CDH4: variants seen among roughly 807,000 people sequenced by gnomAD.
CDH4 encodes cadherin-4.
In CDH4, 33 loss-of-function variants were observed where a neutral mutation model predicts 86.0. The observed-to-expected ratio is 0.38, with a 90% CI of 0.29 to 0.51. The LOEUF (loss-of-function observed/expected upper bound fraction) is 0.51, where lower values mean the gene tolerates loss of function less well. Ranked by LOEUF, CDH4 falls within the 20% of genes least tolerant of loss-of-function variation. The probability of loss-of-function intolerance (pLI) is 0.86; values close to 1 mark genes in which losing one functional copy is unlikely to be tolerated. For synonymous variants in CDH4, 555 were observed against 549.4 expected (o/e 1.01, Z -0.14); for missense variants, 1,114 against 1,307.4 (o/e 0.85, Z 2.28).
In CDH4 at chr20:61,481,998, G is replaced by A. The variant is rs76393491; in HGVS notation, c.169+227061G>A. On this transcript the variant is annotated intron_variant, in intron 2 of 15. Coordinates refer to ENST00000614565, the MANE Select transcript of CDH4 (RefSeq NM_001794.5). ...TTTCTCTGTCCCTCCCACTCTCAAG[G>A]TTCAGCTAGCTGATCCCGTGCAAAA... Among the ~76,000 whole-genome samples the A allele has an allele frequency of 4.6e-5, 7 of 152,142 alleles. No homozygotes were observed. In the East Asian group the frequency reaches 5.8e-4, roughly 13 times the overall value.
At chr20:61,873,160 C>G (rs1014257115) in intron 6 of CDH4, among the ~76,000 whole-genome samples, 12 of 152,216 alleles carry the variant, frequency 7.9e-5, no homozygotes, top group African/African-American at 2.9e-4. Flanking sequence ...CAGGGCGCCC[C>G]CAGATGTGCT....
chr20:61,476,901 C>A (rs1350408339), intron 2 of CDH4, among the ~76,000 whole-genome samples: 3 of 152,160 alleles, frequency 2.0e-5, no homozygotes, highest in Non-Finnish European at 4.4e-5. Flanking sequence ...AGGATCACAC[C>A]TGGTACTGTT....
At chr20:61,422,440 AAAAAAAAAAAAAAAAAAAAAAAAAAAAC>A (rs2085183945) in intron 2 of CDH4, among the ~76,000 whole-genome samples, 1 of 60,164 alleles carries the variant, frequency 1.7e-5, no homozygotes, top group Non-Finnish European at 3.1e-5. Flanking sequence ...AAAAAAAAAA[AAAAAAAAAAAAAAAAAAAAAAAAAAAAC>A]CAAATCTCCC....
In CDH4 at chr20:61,846,366, G is replaced by A. The variant is rs576937897; in HGVS notation, c.732+1543G>A. 2.6e-5 allele frequency among the ~76,000 whole-genome samples: 4 copies of A among 152,370 alleles called. No homozygotes were observed. In the South Asian group the frequency reaches 8.3e-4, roughly 32 times the overall value. On this transcript the variant is annotated intron_variant, in intron 5 of 15. Transcript: ENST00000614565. ...CCCCTGGCTATGCAGCAAGAGACAG[G>A]CCCTCAGCATGGCTGCTGGCTCCCA...
chr20:61,929,867 G>A (rs1397799147), intron 13 of CDH4, 25 bp downstream of exon 13: 3 of 1,592,100 alleles, frequency 1.9e-6, no homozygotes, highest in Non-Finnish European at 2.6e-6. Flanking sequence ...GCACCAGGGT[G>A]GGCAGGGGCA....
intron 4 of CDH4, among the ~76,000 whole-genome samples, chr20:61,826,164 T>C (rs1981301971): frequency 6.6e-6 from 1 of 152,192 alleles, no homozygotes; most frequent in South Asian, 2.1e-4. Context: ...CCAGATGGTG[T>C]CATCCCTTCT....
At chr20:61,710,169 T>C (rs2087874638) in intron 2 of CDH4, among the ~76,000 whole-genome samples, 1 of 152,000 alleles carries the variant, frequency 6.6e-6, no homozygotes, top group Non-Finnish European at 1.5e-5. Context: ...TAGCCTCAAC[T>C]CGGTGTTTTT....
At chr20:61,561,747 C>A (rs1172205592) in intron 2 of CDH4, among the ~76,000 whole-genome samples, 2 of 152,240 alleles carry the variant, frequency 1.3e-5, no homozygotes, top group Non-Finnish European at 2.9e-5. Flanking sequence ...ACAAAATGAG[C>A]ATGTTTACTA....
rs1291540158 is a variant in CDH4 at position 61,516,464 on chromosome 20, G to A, written c.170-227099G>A. 6.6e-6 allele frequency among the ~76,000 whole-genome samples: 1 copy of A among 152,128 alleles called. No individual in the cohort carries two copies. Among genetic ancestry groups the A allele is most frequent in the Non-Finnish European group, 1.5e-5 (1 of 68,034 alleles). ...CTGCGGCTTCCATTTTACAGACCGG[G>A]AGGCAGAGCCCCAGAGGTCAAGCCA... On this transcript the variant is annotated intron_variant, in intron 2 of 15. Transcript: ENST00000614565. This position sits in a 1 kb window ranked among gnomAD's most constrained non-coding sequence, Gnocchi z 4.0.
intron 2 of CDH4, among the ~76,000 whole-genome samples, chr20:61,272,130 C>T (rs956485646): frequency 6.6e-6 from 1 of 152,222 alleles, no homozygotes; most frequent in Non-Finnish European, 1.5e-5. Flanking sequence ...TCCTCCTCCT[C>T]TTGGCAGCCC....
intron 3 of CDH4, among the ~76,000 whole-genome samples, chr20:61,757,579 G>A (rs562342940): frequency 2.0e-4 from 31 of 152,340 alleles, no homozygotes; most frequent in Admixed American, 5.2e-4. Flanking sequence ...AATCTGATGG[G>A]TTATTGGTCA....
At chr20:61,524,258 T>G (rs893147489) in intron 2 of CDH4, among the ~76,000 whole-genome samples, 1 of 152,148 alleles carries the variant, frequency 6.6e-6, no homozygotes, top group South Asian at 2.1e-4. Flanking sequence ...ACAGTCACTC[T>G]CGAGTCATTT....
chr20:61,427,649 TG>T (rs1446923234), intron 2 of CDH4, among the ~76,000 whole-genome samples: 1 of 152,100 alleles, frequency 6.6e-6, no homozygotes. Flanking sequence ...TTGGAACTTC[TG>T]GGGTGTGCAG....
At chr20:61,651,159 C>T (rs1336808895) in intron 2 of CDH4, among the ~76,000 whole-genome samples, 1 of 151,414 alleles carries the variant, frequency 6.6e-6, no homozygotes, top group African/African-American at 2.4e-5. Context: ...GTGAGTTAGC[C>T]TCGTGCTTGG....
intron 2 of CDH4, among the ~76,000 whole-genome samples, chr20:61,532,658 G>A (rs529429242): frequency 1.3e-5 from 2 of 152,290 alleles, no homozygotes; most frequent in East Asian, 1.9e-4. Flanking sequence ...AAAGCACCAC[G>A]TTTCTAATCT....
At chr20:61,533,608 G>A (rs1343645524) in intron 2 of CDH4, among the ~76,000 whole-genome samples, 3 of 152,218 alleles carry the variant, frequency 2.0e-5, no homozygotes, top group African/African-American at 7.2e-5. Flanking sequence ...GGCCCCTCTG[G>A]CTGCCTCACT....
intron 2 of CDH4, among the ~76,000 whole-genome samples, chr20:61,312,299 G>GTGTGCA (rs1233583191): frequency 6.6e-6 from 1 of 150,708 alleles, no homozygotes; most frequent in Non-Finnish European, 1.5e-5. Flanking sequence ...ATATGTCAGT[G>GTGTGCA]TGTGTATGGT....
rs538215150 is a variant in CDH4, at chr20:61,269,899, G to A, written c.169+14962G>A. Among the ~76,000 whole-genome samples the A allele has an allele frequency of 1.0e-3, 153 of 152,302 alleles. No homozygotes were observed. The highest frequency in any genetic ancestry group is 1.9e-3 in the East Asian group (10 of 5,168). On this transcript the variant is annotated intron_variant, in intron 2 of 15. Transcript: ENST00000614565. This position sits in a 1 kb window ranked among gnomAD's most constrained non-coding sequence, Gnocchi z 5.3. The stretch of plus-strand genomic sequence containing the variant: ...TTTCCACATGGCCCCGGCTGTTGAC[G>A]ATGACCTTAAGCTCCCCTGACCAAT...
chr20:61,413,605 C>T (rs920103414), intron 2 of CDH4, among the ~76,000 whole-genome samples: 15 of 152,308 alleles, frequency 9.8e-5, no homozygotes, highest in African/African-American at 1.7e-4. Context: ...TGGCTGTTAC[C>T]GCCATTATTG....
Sources: gnomAD v4.1 joint callset for allele counts (sites outside exome capture counted in the v4.1 genomes callset) on GRCh38, gnomAD v4.1.1 for gene constraint, Gnocchi (gnomAD v3.1) non-coding constraint, MANE v1.5 for transcripts, NCBI Gene and HGNC (gene_info 2026-07-23, HGNC 2026-07-21) for gene names.